Variants in PTH2R observed in about 807,000 individuals in gnomAD.
PTH2R encodes parathyroid hormone 2 receptor.
Under a neutral mutation model 60.3 loss-of-function variants are expected in PTH2R, and 59 were observed. The ratio of observed to expected loss-of-function variants is 0.98; its 90% CI spans 0.79 to 1.22. PTH2R has a LOEUF of 1.22. PTH2R is among the 50% of genes most tolerant of loss of function. The pLI is 0.00. For missense variants in PTH2R, 749 were observed against 682.6 expected, an observed-to-expected ratio of 1.10 and a Z score of -1.08; for synonymous variants, 256 against 243.8, an observed-to-expected ratio of 1.05 and a Z score of -0.47.
chr2:208,493,695 A>G lies in PTH2R; in HGVS notation c.*36A>G. On this transcript the variant is annotated 3_prime_UTR_variant, in exon 13 of 13. Coordinates refer to ENST00000272847, the MANE Select transcript of PTH2R (RefSeq NM_005048.4). ...GTGGCTGACTTTCATGGGCTGGTCC[A>G]ATGGCTGGTTGTGTGAGAGGGCTTG... 3 of 1,514,586 alleles carry G rather than the reference A, an allele frequency of 2.0e-6. No individual in the cohort carries two copies. The highest frequency in any genetic ancestry group is 2.7e-6 in the Non-Finnish European group (3 of 1,128,758). 93.8% of individuals were successfully genotyped at this position (1,514,586 alleles called of 1,614,324 possible).
Position 208,437,752 on chromosome 2 carries a change from C to G in PTH2R, c.290-8C>G, listed in dbSNP as rs1322625549. 1 of 1,611,374 alleles carries G rather than the reference C, an allele frequency of 6.2e-7. No individual in the cohort carries two copies. The highest frequency in any genetic ancestry group is 1.1e-5 in the South Asian group (1 of 90,938). ...TGAGCGATCTCAGCATCTTTCATGT[C>G]TTTACAGGAGTTGCTTTCCGACACT... On this transcript the variant is annotated splice_polypyrimidine_tract_variant and splice_region_variant and intron_variant, in intron 3 of 12. Transcript: ENST00000272847.
chr2:208,371,578 C>G (rs1209940985), intron 1 of PTH2R, among the ~76,000 whole-genome samples: 1 of 152,124 alleles, frequency 6.6e-6, no homozygotes, highest in African/African-American at 2.4e-5. Flanking sequence ...TCTAAGTTGA[C>G]AGATGAAATG....
intron 9 of PTH2R, among the ~76,000 whole-genome samples, chr2:208,463,799 G>C (rs1559227726): frequency 6.6e-6 from 1 of 152,186 alleles, no homozygotes; most frequent in Non-Finnish European, 1.5e-5. Flanking sequence ...TGTATATCAG[G>C]AAGTGGCTGT....
At chr2:208,388,963 C>T (rs1403828671) in intron 1 of PTH2R, among the ~76,000 whole-genome samples, 4 of 152,096 alleles carry the variant, frequency 2.6e-5, no homozygotes, top group East Asian at 1.9e-4. Flanking sequence ...CAGGACTCAT[C>T]GAAGCATAGC....
Position 208,372,729 on chromosome 2 carries a change from A to G in PTH2R, c.-259+12492A>G, listed in dbSNP as rs551739097. On this transcript the variant is annotated intron_variant, in intron 1 of 12. Coordinates refer to the PTH2R transcript ENST00000617735. ...AGGTACATAAAGGAAAAGAGTACAC[A>G]AAGAATTCTATTAATGATGAAATTA... 5.3e-4 allele frequency among the ~76,000 whole-genome samples: 80 copies of G among 152,242 alleles called. 1 individual carries two copies. Among genetic ancestry groups the G allele is most frequent in the African/African-American group, 1.6e-3 (66 of 41,480 alleles).
intron 6 of PTH2R, 21 bp from the exon 7 acceptor site, chr2:208,444,713 A>G (rs928701354): frequency 2.5e-6 from 4 of 1,607,818 alleles, no homozygotes; most frequent in African/African-American, 1.3e-5. Context: ...ATATGATGAA[A>G]TTCTGGTTTA....
At chr2:208,476,835 G>A (rs1703015640) in intron 9 of PTH2R, among the ~76,000 whole-genome samples, 1 of 152,080 alleles carries the variant, frequency 6.6e-6, no homozygotes, top group South Asian at 2.1e-4. Context: ...TTAGACAAGT[G>A]GATCCACTGA....
chr2:208,484,331 T>A (rs1703226148), intron 10 of PTH2R, among the ~76,000 whole-genome samples: 1 of 152,166 alleles, frequency 6.6e-6, no homozygotes, highest in Non-Finnish European at 1.5e-5. Context: ...AATCAGTTCT[T>A]AAAACAACTT....
intron 5 of PTH2R, 115 bp from the exon 6 acceptor site, chr2:208,443,233 G>T (rs981639005): frequency 2.3e-6 from 2 of 857,346 alleles, no homozygotes; most frequent in Non-Finnish European, 1.7e-6. Flanking sequence ...GTGGAGTCTC[G>T]AACCAGTCCC....
chr2:208,450,609 C>G, intron 7 of PTH2R, 140 bp from the exon 8 acceptor site: 1 of 747,172 alleles, frequency 1.3e-6, no homozygotes. Flanking sequence ...GTGGACTTTT[C>G]TTGTTCACAT....
At chr2:208,359,737 A>AGC in exon 1 of PTH2R, 1 of 153,436 alleles carries the variant, frequency 6.5e-6, no homozygotes. Context: ...CCACAGGTCC[A>AGC]CTACGTGAGG....
chr2:208,373,367 G>A (rs142253090), intron 1 of PTH2R, among the ~76,000 whole-genome samples: 30 of 152,154 alleles, frequency 2.0e-4, no homozygotes, highest in African/African-American at 6.8e-4. Flanking sequence ...TATTGCTGTA[G>A]TAATGTCCCT....
At chr2:208,382,832 C>T (rs1199983139) in intron 1 of PTH2R, among the ~76,000 whole-genome samples, 2 of 152,160 alleles carry the variant, frequency 1.3e-5, no homozygotes, top group Non-Finnish European at 2.9e-5. Context: ...TGGCATTGAC[C>T]AGCACACTGT....
At position 208,444,780 on chromosome 2, in the gene PTH2R, C is replaced by A; in HGVS notation, c.746C>A (p.Thr249Lys). ...GTGATGTTTATTTACTTCCTGGCTA[C>A]AAATTATTATTGGATCCTGGTGGAA... ...AVVMFIYFLA[T>K]NYYWILVEGL... Residue 249 changes from threonine (T) to lysine (K), a missense_variant, in exon 7 of 13, where the codon ACA (threonine) becomes AAA (lysine). Thr to Lys is a moderately conservative substitution (Grantham distance 78). Coordinates refer to ENST00000272847, the MANE Select transcript of PTH2R (RefSeq NM_005048.4). 2 of 1,613,804 alleles carry A rather than the reference C, an allele frequency of 1.2e-6. No individual in the cohort carries two copies. Among genetic ancestry groups the A allele is most frequent in the Middle Eastern group, 1.7e-4 (1 of 6,058 alleles).
chr2:208,463,739 T>A (rs1702679058), intron 9 of PTH2R, among the ~76,000 whole-genome samples: 1 of 152,246 alleles, frequency 6.6e-6, no homozygotes, highest in African/African-American at 2.4e-5. Context: ...CATAAAGTCA[T>A]AAAAATAATG....
At chr2:208,408,408 T>G (rs1441626358) in intron 1 of PTH2R, among the ~76,000 whole-genome samples, 3 of 152,198 alleles carry the variant, frequency 2.0e-5, no homozygotes, top group Non-Finnish European at 4.4e-5. Flanking sequence ...TCATAAGATA[T>G]TTGGATAATA....
chr2:208,391,843 TC>T (rs776401131), intron 1 of PTH2R, among the ~76,000 whole-genome samples: 82 of 152,290 alleles, frequency 5.4e-4, no homozygotes, highest in African/African-American at 1.9e-3. Flanking sequence ...AAACCTTATA[TC>T]CTCTGCTAGA....
intron 1 of PTH2R, among the ~76,000 whole-genome samples, chr2:208,416,637 G>A (rs997424870): frequency 6.6e-6 from 1 of 152,200 alleles, no homozygotes; most frequent in Non-Finnish European, 1.5e-5. Context: ...ACAAAGTATT[G>A]ATCCTGTGTG....
intron 4 of PTH2R, among the ~76,000 whole-genome samples, chr2:208,438,595 A>C (rs1363360363): frequency 6.6e-6 from 1 of 152,202 alleles, no homozygotes. Context: ...AGTTGGTTTA[A>C]AAGTCATGTT....
Sources: gnomAD v4.1 joint callset for allele counts (sites outside exome capture counted in the v4.1 genomes callset) on GRCh38, gnomAD v4.1.1 for gene constraint, MANE v1.5 for transcripts, NCBI Gene and HGNC (gene_info 2026-07-23, HGNC 2026-07-21) for gene names.